REL: variants seen among roughly 807,000 people sequenced by gnomAD.
The protein encoded by REL is REL proto-oncogene, NF-kB subunit, also known as proto-oncogene c-Rel.
In REL, 15 loss-of-function variants were observed where a neutral mutation model predicts 45.9. The observed-to-expected ratio is 0.33, with a 90% CI of 0.22 to 0.50. The LOEUF is 0.50. REL is among the 20% of genes least tolerant of loss of function. REL has a pLI of 0.98. For synonymous variants in REL, 239 were observed against 242.1 expected (o/e 0.99, Z 0.12); for missense variants, 601 against 715.2 (o/e 0.84, Z 1.82).
chr2:60,887,406 C>G (rs1673097888), intron 1 of REL, among the ~76,000 whole-genome samples: 1 of 151,758 alleles, frequency 6.6e-6, no homozygotes, highest in Non-Finnish European at 1.5e-5. Context: ...CTTGTATAAA[C>G]AAAAGACCTT....
intron 1 of REL, among the ~76,000 whole-genome samples, chr2:60,882,954 A>G (rs1672982484): frequency 6.6e-6 from 1 of 151,596 alleles, no homozygotes; most frequent in African/African-American, 2.4e-5. Context: ...ATATACACAG[A>G]TGTGGTTGGG....
intron 2 of REL, among the ~76,000 whole-genome samples, chr2:60,893,143 T>G (rs965639057): frequency 1.3e-5 from 2 of 152,248 alleles, no homozygotes; most frequent in African/African-American, 4.8e-5. Context: ...TTAAAAACTT[T>G]AATGGCAAAG....
Position 60,881,586 on chromosome 2 carries a change from C to A in REL, c.-255C>A, listed in dbSNP as rs1479482011. ...CGGCTGGGCCAGCACTCGGCTCTCC[C>A]CGCTCCGCCCCCTGCCCCTGGCTCC... On this transcript the variant is annotated 5_prime_UTR_variant, in exon 1 of 10. Coordinates refer to ENST00000394479, the MANE Select transcript of REL (RefSeq NM_001291746.2). 2.0e-6 allele frequency: 1 copy of A among 491,360 alleles called. No homozygotes were observed. Among genetic ancestry groups the A allele is most frequent in the African/African-American group, 2.0e-5 (1 of 49,010 alleles). 30.4% of individuals were successfully genotyped at this position (491,360 alleles called of 1,614,324 possible).
At chr2:60,917,149 A>G (rs1005137368) in intron 5 of REL, 132 bp downstream of exon 5, 2 of 745,734 alleles carry the variant, frequency 2.7e-6, no homozygotes, top group Non-Finnish European at 4.2e-6. Flanking sequence ...AGAGAAATAT[A>G]TAACAGAAAG....
intron 4 of REL, among the ~76,000 whole-genome samples, chr2:60,906,907 A>ATT (rs1232607239): frequency 4.1e-5 from 4 of 96,422 alleles, no homozygotes; most frequent in Non-Finnish European, 4.3e-5. Context: ...ATATATATAT[A>ATT]TATATATTTT....
rs760834193 is a variant in REL at position 60,922,274 on chromosome 2, G to C, written c.1503G>C (p.Leu501Phe). 5.6e-6 allele frequency: 9 copies of C among 1,614,148 alleles called. No homozygotes were observed. In the South Asian group the frequency reaches 9.9e-5, roughly 18 times the overall value. Residue 501 changes from leucine to phenylalanine, a missense_variant, in exon 10 of 10, where the codon TTG (leucine) becomes TTC (phenylalanine). By Grantham distance (22) the Leu-to-Phe change is conservative (BLOSUM62 0). This residue lies in a region of REL where 334 missense variants were observed against 333.1 expected (regional missense o/e 1.00). Coordinates refer to ENST00000394479, the MANE Select transcript of REL (RefSeq NM_001291746.2). ...ATTCAGTGTTAGACCCAAGAGACTT[G>C]AGACAGCTCCATCAGATGTCCTCTT... The part of the protein sequence containing the change: ...SCNSVLDPRD[L>F]RQLHQMSSSS...
rs932948189 is a variant in REL, at chr2:60,925,916, A to G, written c.*3381A>G. On this transcript the variant is annotated 3_prime_UTR_variant, in exon 10 of 10. Transcript: ENST00000394479. ...TAAGTGTTGGCTAGTTTTGCGGTGTAAGCAGAATTAAGGTTCTGCTACCTC... is the reference window on the plus strand; with the variant it reads ...TAAGTGTTGGCTAGTTTTGCGGTGTGAGCAGAATTAAGGTTCTGCTACCTC... 4 of 225,720 alleles carry G rather than the reference A, an allele frequency of 1.8e-5. No individual in the cohort carries two copies. Among genetic ancestry groups the G allele is most frequent in the African/African-American group, 8.9e-5 (4 of 44,860 alleles). The allele number at this position is 225,720 out of a possible 1,614,324, so 14.0% of individuals were successfully genotyped here.
chr2:60,893,106 A>G (rs1305513924), intron 2 of REL, among the ~76,000 whole-genome samples: 2 of 152,206 alleles, frequency 1.3e-5, no homozygotes, highest in Admixed American at 6.5e-5. Flanking sequence ...TTGACTTTCA[A>G]TGAAGGGTTT....
Position 60,927,537 on chromosome 2 carries a change from T to G in REL, c.*5002T>G, listed in dbSNP as rs1463816133. On this transcript the variant is annotated 3_prime_UTR_variant, in exon 10 of 10. Transcript: ENST00000394479. ...TCCACTTTATGTGGCAGGTTTAATCTCAGGTCTCCCTCATACACTTCTCAG... is the reference window on the plus strand; with the variant it reads ...TCCACTTTATGTGGCAGGTTTAATCGCAGGTCTCCCTCATACACTTCTCAG... The G allele has an allele frequency of 4.4e-6, 1 of 229,320 alleles. No homozygotes were observed. Among genetic ancestry groups the G allele is most frequent in the Admixed American group, 5.7e-5 (1 of 17,620 alleles). 14.2% of individuals were successfully genotyped at this position (229,320 alleles called of 1,614,324 possible).
chr2:60,891,564 T>C (rs1226142312), intron 1 of REL, 119 bp from the exon 2 acceptor site: 7 of 882,012 alleles, frequency 7.9e-6, no homozygotes, highest in Non-Finnish European at 1.2e-5. Context: ...TGTTATTTAA[T>C]GTTAGGAGGA....
rs1470649604 is a variant in REL at position 60,920,056 on chromosome 2, A to C, written c.869A>C (p.Lys290Thr). 6.2e-7 allele frequency: 1 copy of C among 1,611,388 alleles called. No homozygotes were observed. Among genetic ancestry groups the C allele is most frequent in the Admixed American group, 1.7e-5 (1 of 59,824 alleles). Residue 290 changes from lysine to threonine, a missense_variant, in exon 8 of 10, where the codon AAA (lysine) becomes ACA (threonine). Lys to Thr is a moderately conservative substitution (Grantham distance 78). This residue lies in a region of REL where 241 missense variants were observed against 347.0 expected (regional missense o/e 0.69). Transcript: ENST00000394479. ...LPDEKDTYGN[K>T]AKKQKTTLLF... ...TTCTAATCAGATACTTACGGCAATA[A>C]AGCAAAGAAACAAAAGACAACTCTG... is the stretch of plus-strand genomic sequence containing the variant.
chr2:60,908,354 C>T (rs1456633353), intron 4 of REL, among the ~76,000 whole-genome samples: 1 of 152,104 alleles, frequency 6.6e-6, no homozygotes, highest in Non-Finnish European at 1.5e-5. Flanking sequence ...GTTTTAAGGC[C>T]GGCCTTTATC....
intron 1 of REL, among the ~76,000 whole-genome samples, chr2:60,889,827 TTTTC>T (rs1307302837): frequency 2.0e-5 from 3 of 152,218 alleles, no homozygotes; most frequent in Non-Finnish European, 4.4e-5. Context: ...ATGTGCCACA[TTTTC>T]TTAATCCAGT....
intron 1 of REL, among the ~76,000 whole-genome samples, chr2:60,886,418 A>G (rs1673073155): frequency 6.6e-6 from 1 of 152,140 alleles, no homozygotes; most frequent in Non-Finnish European, 1.5e-5. Flanking sequence ...TATTACCTCC[A>G]GTTGCTTTTA....
Position 60,927,681 on chromosome 2 carries a change from C to T in REL, c.*5146C>T, listed in dbSNP as rs886152443. ...GGAAATTATACAGAGGTGAATAAGA[C>T]AAAAACTCTTGCTCTCAAAGATGTC... On this transcript the variant is annotated 3_prime_UTR_variant, in exon 10 of 10. Transcript: ENST00000394479. 1.3e-5 allele frequency: 3 copies of T among 229,604 alleles called. No individual in the cohort carries two copies. The highest frequency in any genetic ancestry group is 1.2e-4 in the East Asian group (2 of 16,166). The allele number at this position is 229,604 out of a possible 1,614,324, so 14.2% of individuals were successfully genotyped here. A position where few individuals can be genotyped will look rare whatever the true frequency, so the allele number is the denominator to read the frequency against.
chr2:60,921,947 T>C lies in REL; in HGVS notation c.1176T>C (p.Asn392=). 1 of 1,614,128 alleles carries C rather than the reference T, an allele frequency of 6.2e-7. No homozygotes were observed. The highest frequency in any genetic ancestry group is 8.5e-7 in the Non-Finnish European group (1 of 1,180,008). The change falls in exon 10 of 10, where the codon AAT becomes AAC. Residue 392 remains asparagine, a synonymous_variant. Transcript: ENST00000394479. ...SVAHPTPRSG[N]TNPLSSFSTR... is the part of the protein sequence containing the mutation. ...CCCACCCCACCCCACGCTCAGGCAA[T>C]ACAAACCCACTGAGTAGTTTTTCAA...
At chr2:60,891,396 C>G (rs994938579) in intron 1 of REL, among the ~76,000 whole-genome samples, 1 of 152,044 alleles carries the variant, frequency 6.6e-6, no homozygotes, top group African/African-American at 2.4e-5. Context: ...GTGGTTATCT[C>G]AGAACTTCAT....
In REL at chr2:60,926,664, G is replaced by A. The variant is rs1269683876; in HGVS notation, c.*4129G>A. 4.4e-6 allele frequency: 1 copy of A among 228,862 alleles called. No homozygotes were observed. Among genetic ancestry groups the A allele is most frequent in the Admixed American group, 5.7e-5 (1 of 17,576 alleles). 14.2% of individuals were successfully genotyped at this position (228,862 alleles called of 1,614,324 possible). A position where few individuals can be genotyped will look rare whatever the true frequency, so the allele number is the denominator to read the frequency against. ...GCTACCTGAATGTCCTGATAAACTG[G>A]CTCGCTCTCTTCTTTACCTTCCATA... On this transcript the variant is annotated 3_prime_UTR_variant, in exon 10 of 10. Transcript: ENST00000394479.
In REL at chr2:60,900,979, T is replaced by C; in HGVS notation, c.303-13T>C. ...TTATAATGCAGTTTTGAATATTGTT[T>C]TTTTCCTGCTAGTTTCCAAAATTTG... is the stretch of plus-strand genomic sequence containing the variant. On this transcript the variant is annotated splice_polypyrimidine_tract_variant and intron_variant, in intron 3 of 9. Coordinates refer to ENST00000394479, the MANE Select transcript of REL (RefSeq NM_001291746.2). The C allele has an allele frequency of 3.8e-6, 6 of 1,596,092 alleles. No homozygotes were observed. Among genetic ancestry groups the C allele is most frequent in the Non-Finnish European group, 4.3e-6 (5 of 1,172,558 alleles).
Sources: allele counts gnomAD v4.1 joint callset (sites outside exome capture counted in the v4.1 genomes callset), GRCh38; gene constraint gnomAD v4.1.1; regional missense constraint gnomAD v4.1.1; transcripts MANE v1.5; gene names NCBI Gene and HGNC (gene_info 2026-07-23, HGNC 2026-07-21).